The following SYT6 variants were observed in gnomAD, a reference collection of about 807,000 sequenced individuals.
The protein encoded by SYT6 is synaptotagmin-6.
Under a neutral mutation model 38.4 loss-of-function variants are expected in SYT6, and 24 were observed. The ratio of observed to expected loss-of-function variants is 0.62; its 90% CI spans 0.45 to 0.88. The LOEUF (loss-of-function observed/expected upper bound fraction) is 0.88, where lower values mean the gene tolerates loss of function less well. Ranked by LOEUF, SYT6 falls within the 40% of genes least tolerant of loss-of-function variation. The probability of loss-of-function intolerance (pLI) is 0.00; values close to 1 mark genes in which losing one functional copy is unlikely to be tolerated. For synonymous variants in SYT6, 265 were observed against 241.9 expected, an observed-to-expected ratio of 1.10 and a Z score of -0.89; for missense variants, 611 against 621.0, an observed-to-expected ratio of 0.98 and a Z score of 0.17.
At chr1:114,135,049 C>T (rs1346871426) in intron 3 of SYT6, among the ~76,000 whole-genome samples, 1 of 152,042 alleles carries the variant, frequency 6.6e-6, no homozygotes, top group Admixed American at 6.6e-5. Flanking sequence ...GAGAACTCTA[C>T]CTGCTGGTGG....
At chr1:114,122,084 G>A (rs12048080) in intron 3 of SYT6, among the ~76,000 whole-genome samples, 66,694 of 152,048 alleles carry the variant, frequency 0.44, 14,746 homozygotes, top group East Asian at 0.57. Context: ...CGTTGGATCC[G>A]TGCCCCTTGC....
chr1:114,129,616 C>CCTTTCTTT (rs149266681), intron 3 of SYT6, among the ~76,000 whole-genome samples: 8 of 58,974 alleles, frequency 1.4e-4, no homozygotes, highest in African/African-American at 2.7e-4. Context: ...TTCTTTCTTT[C>CCTTTCTTT]CTTTCTTTCT....
At chr1:114,129,838 G>GTT (rs397949655) in intron 3 of SYT6, among the ~76,000 whole-genome samples, 5 of 106,676 alleles carry the variant, frequency 4.7e-5, no homozygotes, top group African/African-American at 1.7e-4. Context: ...CACCACACCT[G>GTT]TTTTTTTTTT....
chr1:114,139,941 T>G lies in SYT6; in HGVS notation c.186A>C (p.Ala62=), dbSNP rs1273865512. 2.0e-6 allele frequency: 3 copies of G among 1,509,884 alleles called. No homozygotes were observed. Among genetic ancestry groups the G allele is most frequent in the African/African-American group, 1.4e-5 (1 of 71,472 alleles). 93.5% of individuals were successfully genotyped at this position (1,509,884 alleles called of 1,614,324 possible). A position where few individuals can be genotyped will look rare whatever the true frequency, so the allele number is the denominator to read the frequency against. The change falls in exon 2 of 8, where the codon GCA becomes GCC. Residue 62 remains alanine, a synonymous_variant. Coordinates refer to ENST00000610222, the MANE Select transcript of SYT6 (RefSeq NM_001253772.2). ...CCACGCCACACACAATAACTACAAC[T>G]GCGAGGAGGCTGACAGAGGTGCCTG... ...AGAGTSVSLL[A]VVVIVCGVAL...
At position 114,098,855 on chromosome 1, in the gene SYT6, T is replaced by G. The variant is rs182692784; in HGVS notation, c.1364+239A>C. ...TAGCAAGGGGTGAATTCAGGGAAAC[T>G]GATGGACAGAGCTGCCCCTGACGGA... On this transcript the variant is annotated intron_variant, in intron 5 of 7. Coordinates refer to ENST00000610222, the MANE Select transcript of SYT6 (RefSeq NM_001253772.2). Among the ~76,000 whole-genome samples the G allele has an allele frequency of 2.0e-5, 3 of 152,332 alleles. No individual in the cohort carries two copies. The East Asian group carries it at 5.8e-4, about 29-fold the overall frequency.
chr1:114,108,619 C>A (rs1365482839), intron 3 of SYT6, among the ~76,000 whole-genome samples: 1 of 152,202 alleles, frequency 6.6e-6, no homozygotes, highest in Non-Finnish European at 1.5e-5. Context: ...TGAGACGACC[C>A]AAGGATGCTT....
intron 1 of SYT6, among the ~76,000 whole-genome samples, chr1:114,142,073 C>A (rs113585342): frequency 1.4e-4 from 21 of 152,302 alleles, no homozygotes. Context: ...GCTAAAACAA[C>A]GTCCATTCTG....
At chr1:114,113,645 C>T (rs916846369) in intron 3 of SYT6, among the ~76,000 whole-genome samples, 1 of 152,140 alleles carries the variant, frequency 6.6e-6, no homozygotes, top group African/African-American at 2.4e-5. Flanking sequence ...TCATCAAGCC[C>T]TGATAATTCT....
chr1:114,092,334 CTCTCTGTGTGTGTG>C (rs1675363449), intron 7 of SYT6, among the ~76,000 whole-genome samples: 1 of 138,398 alleles, frequency 7.2e-6, no homozygotes, highest in South Asian at 3.3e-4. Flanking sequence ...CTCTCTCTCT[CTCTCTGTGTGTGTG>C]TGTGTGTGTG....
intron 4 of SYT6, among the ~76,000 whole-genome samples, chr1:114,101,256 T>A (rs2101630666): frequency 6.6e-6 from 1 of 152,268 alleles, no homozygotes; most frequent in African/African-American, 2.4e-5. Flanking sequence ...CCAGCATCCA[T>A]GAAGCCAAGC....
chr1:114,143,938 T>A (rs1386175195), intron 1 of SYT6, among the ~76,000 whole-genome samples: 2 of 151,962 alleles, frequency 1.3e-5, no homozygotes, highest in African/African-American at 4.8e-5. Context: ...CTCTCCAAAT[T>A]TGGGAATGAA....
chr1:114,110,863 C>G (rs1676633926), intron 3 of SYT6, among the ~76,000 whole-genome samples: 1 of 152,184 alleles, frequency 6.6e-6, no homozygotes, highest in Non-Finnish European at 1.5e-5. Flanking sequence ...CCTGCCCACT[C>G]CCTCCAATCC....
chr1:114,125,191 T>G (rs777516652), intron 3 of SYT6, among the ~76,000 whole-genome samples: 1 of 152,198 alleles, frequency 6.6e-6, no homozygotes, highest in African/African-American at 2.4e-5. Flanking sequence ...GAACTCCAAG[T>G]TGTGTCAAAT....
chr1:114,114,711 C>G (rs535664312), intron 3 of SYT6, among the ~76,000 whole-genome samples: 1 of 152,188 alleles, frequency 6.6e-6, no homozygotes, highest in Admixed American at 6.5e-5. Context: ...AGCCTCAGTT[C>G]GTGATATAAG....
At chr1:114,146,769 C>T (rs1320343833) in intron 1 of SYT6, among the ~76,000 whole-genome samples, 2 of 152,202 alleles carry the variant, frequency 1.3e-5, no homozygotes, top group African/African-American at 4.8e-5. Flanking sequence ...GTCAGACTGG[C>T]CTCACTAACA....
intron 3 of SYT6, among the ~76,000 whole-genome samples, chr1:114,128,403 C>A (rs542934691): frequency 6.6e-6 from 1 of 152,222 alleles, no homozygotes; most frequent in Non-Finnish European, 1.5e-5. Flanking sequence ...ACTCTACCTC[C>A]CTGTCCCAGC....
chr1:114,121,792 A>G (rs1677415910), intron 3 of SYT6, among the ~76,000 whole-genome samples: 1 of 152,214 alleles, frequency 6.6e-6, no homozygotes, highest in African/African-American at 2.4e-5. Context: ...AAATGAGAAC[A>G]CGTCTTTGGA....
At chr1:114,103,392 ATAT>A (rs1183557879) in intron 4 of SYT6, among the ~76,000 whole-genome samples, 4 of 152,270 alleles carry the variant, frequency 2.6e-5, no homozygotes, top group Admixed American at 2.6e-4. Flanking sequence ...CCCATGTAAG[ATAT>A]TATTACTCCC....
chr1:114,119,550 C>G (rs1012815248), intron 3 of SYT6, among the ~76,000 whole-genome samples: 4 of 152,116 alleles, frequency 2.6e-5, no homozygotes, highest in African/African-American at 9.7e-5. Flanking sequence ...TTATTTTTAC[C>G]CACACTTTAC....
Sources: allele counts gnomAD v4.1 joint callset (sites outside exome capture counted in the v4.1 genomes callset), GRCh38; gene constraint gnomAD v4.1.1; transcripts MANE v1.5; gene names NCBI Gene and HGNC (gene_info 2026-07-23, HGNC 2026-07-21).